COL17A1: variants seen among roughly 807,000 people sequenced by gnomAD.
COL17A1 encodes the protein collagen alpha-1(XVII) chain.
A neutral mutation model predicts 218.4 loss-of-function variants in COL17A1; 181 were observed. That is an observed-to-expected ratio of 0.83 (90% CI 0.73 to 0.94). COL17A1 has a LOEUF of 0.94. Among genes scored for constraint, COL17A1 ranks in the 40% least tolerant of loss-of-function variants. The pLI is 0.00. For missense variants in COL17A1, 1,924 were observed against 1,945.9 expected (o/e 0.99, Z 0.21); for synonymous variants, 721 against 731.0 (o/e 0.99, Z 0.22).
chr10:104,064,705 C>T, intron 9 of COL17A1, 109 bp from the exon 10 acceptor site: 5 of 1,051,726 alleles, frequency 4.8e-6, no homozygotes, highest in Non-Finnish European at 5.8e-6. Flanking sequence ...GCATTGAAAG[C>T]CCCACATTTC....
At position 104,032,228 on chromosome 10, in the gene COL17A1, G is replaced by T; in HGVS notation, c.*7C>A. 1 of 1,612,974 alleles carries T rather than the reference G, an allele frequency of 6.2e-7. No homozygotes were observed. Among genetic ancestry groups the T allele is most frequent in the Non-Finnish European group, 8.5e-7 (1 of 1,178,966 alleles). ...CCTGGTCCAGGAGCTGTCCTGCCAT[G>T]GCTAGCTCACGGCTTGACAGCAATA... On this transcript the variant is annotated 3_prime_UTR_variant, in exon 56 of 56. Coordinates refer to ENST00000648076, the MANE Select transcript of COL17A1 (RefSeq NM_000494.4).
At chr10:104,078,686 T>C in intron 2 of COL17A1, 100 bp from the exon 3 acceptor site, 1 of 1,503,746 alleles carries the variant, frequency 6.7e-7, no homozygotes, top group Non-Finnish European at 9.1e-7. Context: ...CATATTAAAT[T>C]AGGTTCGACA....
chr10:104,068,095 T>A (rs1343612481), intron 9 of COL17A1, among the ~76,000 whole-genome samples: 6 of 152,168 alleles, frequency 3.9e-5, no homozygotes, highest in African/African-American at 1.4e-4. Flanking sequence ...GGCAGGGCCC[T>A]GGTAGTGAGC....
chr10:104,070,491 T>C lies in COL17A1; in HGVS notation c.542A>G (p.Asn181Ser), dbSNP rs779023600. The change falls in exon 9 of 56, where the codon AAC becomes AGC. Residue 181 changes from asparagine to serine, a missense_variant. By Grantham distance (46) the Asn-to-Ser change is conservative. Coordinates refer to ENST00000648076, the MANE Select transcript of COL17A1 (RefSeq NM_000494.4). ...ASVSPTRNSS[N>S]TLPIPKKGTV... ...GCCTTTCTTGGGGATGGGGAGTGTG[T>C]TGGAGGAATTCCGGGTGGGGCTCAC... 1 of 1,614,168 alleles carries C rather than the reference T, an allele frequency of 6.2e-7. No homozygotes were observed. Among genetic ancestry groups the C allele is most frequent in the South Asian group, 1.1e-5 (1 of 91,080 alleles).
rs886046687 is a variant in COL17A1, at chr10:104,039,624, T to C, written c.2805A>G (p.Pro935=). The change falls in exon 42 of 56, where the codon CCA becomes CCG. Residue 935 remains proline, a synonymous_variant. Transcript: ENST00000648076. ...PRGHQGEQGL[P]GFSTSGSSSF... is the part of the protein sequence containing the mutation. The stretch of plus-strand genomic sequence containing the variant: ...AGCCCTTACCTGAGGTTGAGAAACC[T>C]GGGAGGCCTTGCTCGCCTGAGGAAC... 1 of 1,614,156 alleles carries C rather than the reference T, an allele frequency of 6.2e-7. No homozygotes were observed. The highest frequency in any genetic ancestry group is 1.1e-5 in the South Asian group (1 of 91,080).
At position 104,064,598 on chromosome 10, in the gene COL17A1, T is replaced by C. The variant is rs762128037; in HGVS notation, c.608-2A>G. Reference sequence around the variant, plus strand: ...TCGTTGCATCGTAGGTGCCTGACACTGGAAACAGACACATGCACACACCCC... The same window carrying C: ...TCGTTGCATCGTAGGTGCCTGACACCGGAAACAGACACATGCACACACCCC... On this transcript the variant is annotated splice_acceptor_variant, in intron 9 of 55. Coordinates refer to ENST00000648076, the MANE Select transcript of COL17A1 (RefSeq NM_000494.4). LOFTEE classifies it high-confidence loss of function. 1 of 1,611,758 alleles carries C rather than the reference T, an allele frequency of 6.2e-7. No homozygotes were observed. Among genetic ancestry groups the C allele is most frequent in the South Asian group, 1.1e-5 (1 of 90,566 alleles).
Position 104,033,209 on chromosome 10 carries a change from G to A in COL17A1, c.4294+29C>T, listed in dbSNP as rs961467448. ...CGTGGGAACCTATGCAGTGAGGCAG[G>A]TGCTGGGAAAGCAGTTGGATGCCCT... On this transcript the variant is annotated intron_variant, in intron 53 of 55. Coordinates refer to ENST00000648076, the MANE Select transcript of COL17A1 (RefSeq NM_000494.4). The A allele has an allele frequency of 1.9e-6, 3 of 1,572,492 alleles. No individual in the cohort carries two copies. The African/African-American group carries it at 4.0e-5, about 21-fold the overall frequency.
At chr10:104,041,624 T>A in intron 36 of COL17A1, 86 bp from the exon 37 acceptor site, 4 of 1,154,662 alleles carry the variant, frequency 3.5e-6, no homozygotes, top group Non-Finnish European at 5.1e-6. Flanking sequence ...GGATCTGCAG[T>A]TCCAGGCACT....
chr10:104,065,237 G>T (rs577878920), intron 9 of COL17A1, among the ~76,000 whole-genome samples: 2 of 152,356 alleles, frequency 1.3e-5, no homozygotes, highest in Admixed American at 1.3e-4. Flanking sequence ...ATGCAGGTCA[G>T]AAAGTGCCCT....
intron 27 of COL17A1, 21 bp downstream of exon 27, chr10:104,050,600 G>A (rs757261995): frequency 3.1e-6 from 5 of 1,612,684 alleles, no homozygotes; most frequent in East Asian, 4.5e-5. Flanking sequence ...GGTAATGACA[G>A]AGCAGCAGTG....
At chr10:104,039,732 G>C in intron 41 of COL17A1, 92 bp from the exon 42 acceptor site, 1 of 1,577,620 alleles carries the variant, frequency 6.3e-7, no homozygotes, top group Non-Finnish European at 8.7e-7. Context: ...TGATTGCTGG[G>C]GCTGCGTTGC....
chr10:104,036,472 C>T lies in COL17A1; in HGVS notation c.3418+20G>A, dbSNP rs1446863310. ...AGTCATCCCAGGCCCTTCCCAACCACCCCTCCTGCAGACACTTACTCGACA... is the reference window on the plus strand; with the variant it reads ...AGTCATCCCAGGCCCTTCCCAACCATCCCTCCTGCAGACACTTACTCGACA... On this transcript the variant is annotated intron_variant, in intron 48 of 55. Transcript: ENST00000648076. The T allele has an allele frequency of 5.6e-6, 9 of 1,613,620 alleles. No individual in the cohort carries two copies. The highest frequency in any genetic ancestry group is 7.6e-6 in the Non-Finnish European group (9 of 1,179,874).
intron 13 of COL17A1, among the ~76,000 whole-genome samples, chr10:104,060,552 C>T (rs1037409455): frequency 1.3e-5 from 2 of 152,060 alleles, no homozygotes; most frequent in African/African-American, 2.4e-5. Flanking sequence ...TGCCTCCCCT[C>T]CTGGAGATTA....
intron 20 of COL17A1, 83 bp from the exon 21 acceptor site, chr10:104,054,201 T>A (rs903584789): frequency 6.9e-7 from 1 of 1,448,476 alleles, no homozygotes; most frequent in Admixed American, 2.0e-5. Context: ...GGGATTCAGG[T>A]AGGGTTGCCA....
chr10:104,053,210 G>A (rs536668864), intron 22 of COL17A1, 75 bp from the exon 23 acceptor site: 64 of 1,540,842 alleles, frequency 4.2e-5, no homozygotes, highest in South Asian at 3.8e-4. Flanking sequence ...AGCCTCCCAC[G>A]GCAGACGCTT....
chr10:104,080,085 C>T (rs752282408), intron 2 of COL17A1, among the ~76,000 whole-genome samples: 1 of 152,040 alleles, frequency 6.6e-6, no homozygotes, highest in Non-Finnish European at 1.5e-5. Flanking sequence ...ACTTTCAAGT[C>T]TATGGAGCCA....
intron 27 of COL17A1, 123 bp downstream of exon 27, chr10:104,050,498 T>C (rs2086458032): frequency 2.6e-6 from 4 of 1,521,470 alleles, no homozygotes; most frequent in Non-Finnish European, 9.1e-7. Context: ...TCTGAGAGGT[T>C]GGATTAGAAT....
At chr10:104,035,631 G>C (rs1338117415) in intron 48 of COL17A1, 68 bp from the exon 49 acceptor site, 1 of 1,257,442 alleles carries the variant, frequency 8.0e-7, no homozygotes, top group Non-Finnish European at 1.1e-6. Flanking sequence ...AGAGGAGGTC[G>C]GATACAGAAG....
intron 8 of COL17A1, 78 bp from the exon 9 acceptor site, chr10:104,070,647 G>A: frequency 3.7e-6 from 6 of 1,611,686 alleles, no homozygotes; most frequent in African/African-American, 2.7e-5. Context: ...GGGAACATTT[G>A]TGGCATTCTG....
Sources: gnomAD v4.1 joint callset for allele counts (sites outside exome capture counted in the v4.1 genomes callset) on GRCh38, gnomAD v4.1.1 for gene constraint, MANE v1.5 for transcripts, NCBI Gene and HGNC (gene_info 2026-07-23, HGNC 2026-07-21) for gene names.